EYS: variants seen among roughly 807,000 people sequenced by gnomAD.
EYS encodes EGF-like photoreceptor maintenance factor, also known as protein eyes shut homolog.
Under a neutral mutation model 282.1 loss-of-function variants are expected in EYS, and 250 were observed. The observed-to-expected ratio is 0.89, with a 90% CI of 0.80 to 0.98. EYS has a LOEUF of 0.98. Among genes scored for constraint, EYS ranks in the 50% least tolerant of loss-of-function variants. The probability of loss-of-function intolerance (pLI) is 0.00; values close to 1 mark genes in which losing one functional copy is unlikely to be tolerated. For synonymous variants in EYS, 1,355 were observed against 1,282.9 expected, an observed-to-expected ratio of 1.06 and a Z score of -1.20; for missense variants, 4,016 against 3,709.0, an observed-to-expected ratio of 1.08 and a Z score of -2.15.
chr6:64,707,376 C>CTA (rs1424500696), intron 22 of EYS, among the ~76,000 whole-genome samples: 2 of 151,890 alleles, frequency 1.3e-5, no homozygotes, highest in Admixed American at 6.6e-5. Context: ...GGATAAAAGA[C>CTA]TACATATTGG....
intron 7 of EYS, among the ~76,000 whole-genome samples, chr6:65,395,573 G>A (rs1766248867): frequency 6.6e-6 from 1 of 152,102 alleles, no homozygotes; most frequent in South Asian, 2.1e-4. Flanking sequence ...CAAATTTCAA[G>A]TATGCAATGC....
intron 2 of EYS, among the ~76,000 whole-genome samples, chr6:65,602,155 T>C (rs1416823591): frequency 6.6e-6 from 1 of 151,948 alleles, no homozygotes; most frequent in Non-Finnish European, 1.5e-5. Context: ...ATCTTGTCAA[T>C]GTTTTATATT....
intron 42 of EYS, among the ~76,000 whole-genome samples, chr6:63,722,396 G>C (rs2149626504): frequency 6.6e-6 from 1 of 152,186 alleles, no homozygotes; most frequent in Non-Finnish European, 1.5e-5. Context: ...AGCTGGTCAG[G>C]AATTTTTTTC....
intron 31 of EYS, among the ~76,000 whole-genome samples, chr6:64,183,006 C>T (rs921505480): frequency 2.0e-5 from 3 of 152,100 alleles, no homozygotes; most frequent in Admixed American, 1.3e-4. Context: ...CAACATGTCA[C>T]GGGAACGACC....
At chr6:64,750,093 A>G (rs913727309) in intron 22 of EYS, among the ~76,000 whole-genome samples, 1 of 152,064 alleles carries the variant, frequency 6.6e-6, no homozygotes, top group African/African-American at 2.4e-5. Flanking sequence ...GGAAAACTCC[A>G]CTTTTTGTGA....
intron 35 of EYS, among the ~76,000 whole-genome samples, chr6:63,911,969 T>C (rs937749851): frequency 6.6e-6 from 1 of 152,230 alleles, no homozygotes; most frequent in Non-Finnish European, 1.5e-5. Context: ...AGATGTAAAC[T>C]AGTAATCATA....
chr6:65,281,815 C>T (rs1325369935), intron 12 of EYS, among the ~76,000 whole-genome samples: 1 of 152,040 alleles, frequency 6.6e-6, no homozygotes, highest in African/African-American at 2.4e-5. Context: ...TGAAGGAAAA[C>T]TCCATTTCTA....
At chr6:65,132,690 T>C (rs1775913218) in intron 12 of EYS, among the ~76,000 whole-genome samples, 1 of 151,882 alleles carries the variant, frequency 6.6e-6, no homozygotes, top group South Asian at 2.1e-4. Context: ...ATTAACAACA[T>C]AGTATTGGAA....
chr6:65,335,089 G>T lies in EYS; in HGVS notation c.1657C>A (p.Leu553Ile), dbSNP rs1769935906. 1 of 1,611,934 alleles carries T rather than the reference G, an allele frequency of 6.2e-7. No individual in the cohort carries two copies. Among genetic ancestry groups the T allele is most frequent in the African/African-American group, 1.3e-5 (1 of 74,736 alleles). Residue 553 changes from leucine (L) to isoleucine (I), a missense_variant, in exon 11 of 43, where the codon CTA (leucine) becomes ATA (isoleucine). Transcript: ENST00000503581. ...SEEDSQEYRY[L>I]CFLRWAGNMY... Reference sequence around the variant, plus strand: ...TTGCCAGCCCATCTGAGAAAACATAGATACCGATATTCCTGACTGTCTTCT... The same window carrying T: ...TTGCCAGCCCATCTGAGAAAACATATATACCGATATTCCTGACTGTCTTCT...
intron 12 of EYS, among the ~76,000 whole-genome samples, chr6:65,104,744 G>A (rs1461143945): frequency 4.6e-5 from 7 of 151,296 alleles, no homozygotes; most frequent in Non-Finnish European, 1.0e-4. Context: ...TAAAAATTAT[G>A]CGTTTATTTA....
At chr6:64,393,197 T>G (rs898531086) in intron 28 of EYS, among the ~76,000 whole-genome samples, 10 of 152,044 alleles carry the variant, frequency 6.6e-5, no homozygotes, top group African/African-American at 1.2e-4. Flanking sequence ...AATTCTACCA[T>G]AGGTACAAGG....
At chr6:65,094,647 G>A (rs1283857577) in intron 12 of EYS, among the ~76,000 whole-genome samples, 1 of 150,980 alleles carries the variant, frequency 6.6e-6, no homozygotes, top group African/African-American at 2.4e-5. Flanking sequence ...AATCAAAATA[G>A]AAATTAGAAA....
At chr6:64,134,077 G>A (rs115576879) in intron 31 of EYS, among the ~76,000 whole-genome samples, 4,282 of 152,104 alleles carry the variant, frequency 0.028, 65 homozygotes, top group Non-Finnish European at 0.045. Context: ...AGAGCCTAGC[G>A]TCATGGGGAA....
chr6:65,380,108 A>G (rs1765553797), intron 8 of EYS, among the ~76,000 whole-genome samples: 1 of 152,036 alleles, frequency 6.6e-6, no homozygotes, highest in African/African-American at 2.4e-5. Context: ...TCACAGAACT[A>G]GAAAAAAATA....
At chr6:65,433,312 G>T (rs145500477) in intron 5 of EYS, among the ~76,000 whole-genome samples, 1 of 152,198 alleles carries the variant, frequency 6.6e-6, no homozygotes, top group African/African-American at 2.4e-5. Context: ...AGCTCTTCTA[G>T]AATGTCAGTC....
At chr6:64,826,015 A>G (rs1765046941) in intron 19 of EYS, among the ~76,000 whole-genome samples, 1 of 151,852 alleles carries the variant, frequency 6.6e-6, no homozygotes, top group African/African-American at 2.4e-5. Context: ...AAGAAATAAT[A>G]GTATTTATTA....
intron 33 of EYS, among the ~76,000 whole-genome samples, chr6:64,021,495 T>C (rs1310748018): frequency 2.6e-5 from 4 of 151,960 alleles, no homozygotes; most frequent in Non-Finnish European, 5.9e-5. Flanking sequence ...AGCCCTAAAT[T>C]GTCAACAATG....
chr6:64,747,720 T>A (rs1049783415), intron 22 of EYS, among the ~76,000 whole-genome samples: 8 of 152,138 alleles, frequency 5.3e-5, no homozygotes, highest in Non-Finnish European at 1.2e-4. Context: ...CTCTGATCTG[T>A]TTGAGCCATT....
At chr6:63,831,061 A>T (rs1771622072) in intron 36 of EYS, among the ~76,000 whole-genome samples, 1 of 152,240 alleles carries the variant, frequency 6.6e-6, no homozygotes, top group Admixed American at 6.5e-5. Context: ...GAGCTCCTGA[A>T]GGAAGCACTA....
Sources: allele counts gnomAD v4.1 joint callset (sites outside exome capture counted in the v4.1 genomes callset), GRCh38; gene constraint gnomAD v4.1.1; transcripts MANE v1.5; gene names NCBI Gene and HGNC (gene_info 2026-07-23, HGNC 2026-07-21).